SFT2D1: variants seen among roughly 807,000 people sequenced by gnomAD.
SFT2D1 encodes the protein SFT2 domain containing 1, also known as vesicle transport protein SFT2A.
SFT2D1 carries 24 observed loss-of-function variants against 28.1 expected under a neutral mutation model. The ratio of observed to expected loss-of-function variants is 0.85; its 90% CI spans 0.62 to 1.20. SFT2D1 has a LOEUF of 1.20. Among genes scored for constraint, SFT2D1 ranks in the 50% most tolerant of loss-of-function variants. The pLI is 0.00. For synonymous variants in SFT2D1, 82 were observed against 73.7 expected, an observed-to-expected ratio of 1.11 and a Z score of -0.58; for missense variants, 181 against 190.9, an observed-to-expected ratio of 0.95 and a Z score of 0.31.
rs1452398601 is a variant in SFT2D1 at position 166,342,332 on chromosome 6, G to T, written c.63+87C>A. 3.1e-6 allele frequency: 4 copies of T among 1,276,618 alleles called. No homozygotes were observed. The African/African-American group carries it at 6.1e-5, about 19-fold the overall frequency. The allele number at this position is 1,276,618 out of a possible 1,614,324, so 79.1% of individuals were successfully genotyped here. A position where few individuals can be genotyped will look rare whatever the true frequency, so the allele number is the denominator to read the frequency against. ...AGAGGAGTCCCAGACCCCCGGCCTC[G>T]CACCCACCCCACCCGCTCGGCCGGT... On this transcript the variant is annotated intron_variant, in intron 1 of 7. Transcript: ENST00000361731.
At chr6:166,332,261 C>T (rs1282568784) in intron 1 of SFT2D1, among the ~76,000 whole-genome samples, 1 of 152,180 alleles carries the variant, frequency 6.6e-6, no homozygotes, top group Non-Finnish European at 1.5e-5. Context: ...GGAACCCTGA[C>T]GTCTGCTTAT....
intron 1 of SFT2D1, among the ~76,000 whole-genome samples, chr6:166,331,830 T>C (rs1778558379): frequency 6.6e-6 from 1 of 152,192 alleles, no homozygotes; most frequent in Non-Finnish European, 1.5e-5. Context: ...AGAATAATGA[T>C]TTCTAAAGGT....
intron 7 of SFT2D1, among the ~76,000 whole-genome samples, chr6:166,321,100 G>T (rs1413187489): frequency 6.7e-6 from 1 of 150,356 alleles, no homozygotes; most frequent in African/African-American, 2.4e-5. Flanking sequence ...GACAAAATGA[G>T]ACTCCATCTC....
intron 6 of SFT2D1, chr6:166,323,974 C>T (rs1488862198): frequency 6.6e-6 from 1 of 151,072 alleles, no homozygotes; most frequent in Non-Finnish European, 1.5e-5. Context: ...CCACTGCACT[C>T]CAGCCTGGGT....
chr6:166,326,274 C>T, intron 4 of SFT2D1, 107 bp from the exon 5 acceptor site: 1 of 901,056 alleles, frequency 1.1e-6, no homozygotes, highest in Non-Finnish European at 1.7e-6. Flanking sequence ...TACTATAGAA[C>T]AAAAATAAGA....
intron 1 of SFT2D1, among the ~76,000 whole-genome samples, chr6:166,338,415 T>A (rs1778702959): frequency 6.6e-6 from 1 of 152,094 alleles, no homozygotes. Flanking sequence ...GTACTTACAT[T>A]CAGATGGGGG....
chr6:166,340,510 T>C (rs1778757388), intron 1 of SFT2D1, among the ~76,000 whole-genome samples: 1 of 152,222 alleles, frequency 6.6e-6, no homozygotes, highest in Non-Finnish European at 1.5e-5. Context: ...GCCTCCTTAC[T>C]GGCCCTGAAC....
intron 6 of SFT2D1, 65 bp from the exon 7 acceptor site, chr6:166,322,951 G>C: frequency 7.4e-7 from 1 of 1,350,416 alleles, no homozygotes; most frequent in Non-Finnish European, 1.1e-6. Flanking sequence ...ATGCCAAAAG[G>C]CCATGTCTAA....
At chr6:166,341,335 G>A (rs1468180745) in intron 1 of SFT2D1, among the ~76,000 whole-genome samples, 2 of 151,478 alleles carry the variant, frequency 1.3e-5, no homozygotes, top group Non-Finnish European at 2.9e-5. Context: ...TGTAATCCCA[G>A]CTACTCAGGA....
rs181034847 is a variant in SFT2D1 at position 166,342,044 on chromosome 6, G to A, written c.63+375C>T. Among the ~76,000 whole-genome samples, 513 of 152,226 alleles carry A rather than the reference G, an allele frequency of 3.4e-3. 1 individual carries two copies. Among genetic ancestry groups the A allele is most frequent in the Non-Finnish European group, 6.0e-3 (407 of 68,016 alleles). ...GGTCTCGGCTCACTGCAGCTTGCAG[G>A]ATAAATGCCCTGCATAGCTACTTAC... is the stretch of plus-strand genomic sequence containing the variant. On this transcript the variant is annotated intron_variant, in intron 1 of 7. Transcript: ENST00000361731.
At chr6:166,323,897 T>C (rs1171564788) in intron 6 of SFT2D1, 5 of 152,038 alleles carry the variant, frequency 3.3e-5, no homozygotes, top group African/African-American at 4.8e-5. Flanking sequence ...TCCCAGCTAC[T>C]TGGAAGGCTG....
chr6:166,342,458 C>G lies in SFT2D1; in HGVS notation c.24G>C (p.Leu8=). 6.4e-7 allele frequency: 1 copy of G among 1,558,272 alleles called. No homozygotes were observed. The highest frequency in any genetic ancestry group is 8.7e-7 in the Non-Finnish European group (1 of 1,151,722). Residue 8 remains leucine (L), a synonymous_variant, in exon 1 of 8, where the codon CTG becomes CTC. Transcript: ENST00000361731. MEKLRRV[L]SGQDDEEQGL... ...CCTGCTCCTCGTCGTCCTGGCCGCT[C>G]AGGACTCGCCGCAGCTTCTCCATGG... is the stretch of plus-strand genomic sequence containing the variant.
At chr6:166,333,400 C>G (rs1320456413) in intron 1 of SFT2D1, among the ~76,000 whole-genome samples, 2 of 152,204 alleles carry the variant, frequency 1.3e-5, no homozygotes, top group African/African-American at 2.4e-5. Context: ...CAGCCCAGGG[C>G]AGTCTTCCTG....
intron 2 of SFT2D1, 116 bp from the exon 3 acceptor site, chr6:166,329,705 T>A: frequency 1.2e-6 from 1 of 827,536 alleles, no homozygotes; most frequent in Non-Finnish European, 1.8e-6. Flanking sequence ...TAAATACAAA[T>A]CTGCTTGTAG....
rs1401405410 is a variant in SFT2D1, at chr6:166,342,541, G to A, written c.-60C>T. 7.8e-6 allele frequency: 11 copies of A among 1,418,232 alleles called. 1 individual carries two copies. The East Asian group carries it at 1.8e-4, about 23-fold the overall frequency. 87.9% of individuals were successfully genotyped at this position (1,418,232 alleles called of 1,614,324 possible). On this transcript the variant is annotated 5_prime_UTR_variant, in exon 1 of 8. Transcript: ENST00000361731. ...GTTGCCTGCCCCTGACGCCCACCAG[G>A]AAACCCCGAACCCGAAACCCCACAG...
At chr6:166,330,041 T>C in intron 2 of SFT2D1, 120 bp downstream of exon 2, 2 of 677,280 alleles carry the variant, frequency 3.0e-6, no homozygotes, top group East Asian at 3.0e-5. Context: ...GTTTAATAAA[T>C]ACCTTCCACC....
chr6:166,327,272 G>A (rs1415399717), intron 4 of SFT2D1, among the ~76,000 whole-genome samples: 1 of 152,166 alleles, frequency 6.6e-6, no homozygotes, highest in African/African-American at 2.4e-5. Flanking sequence ...GGTGAGTTAG[G>A]AGGCAGAGGC....
At chr6:166,329,722 T>G in intron 2 of SFT2D1, 133 bp from the exon 3 acceptor site, 1 of 683,352 alleles carries the variant, frequency 1.5e-6, no homozygotes, top group Non-Finnish European at 2.3e-6. Flanking sequence ...GTAGACAGTC[T>G]AGTCTGATTA....
intron 7 of SFT2D1, among the ~76,000 whole-genome samples, chr6:166,322,310 G>A (rs1452035173): frequency 2.0e-5 from 3 of 152,160 alleles, no homozygotes; most frequent in African/African-American, 7.2e-5. Flanking sequence ...GCAGCAGGGC[G>A]GGAGGATACT....
Sources: allele counts gnomAD v4.1 joint callset (sites outside exome capture counted in the v4.1 genomes callset), GRCh38; gene constraint gnomAD v4.1.1; transcripts MANE v1.5; gene names NCBI Gene and HGNC (gene_info 2026-07-23, HGNC 2026-07-21).